Variants in VWDE observed in about 807,000 individuals in gnomAD.
The protein encoded by VWDE is von Willebrand factor D and EGF domain-containing protein.
Under a neutral mutation model 178.4 loss-of-function variants are expected in VWDE, and 207 were observed. The ratio of observed to expected loss-of-function variants is 1.16; its 90% CI spans 1.04 to 1.30. The LOEUF (loss-of-function observed/expected upper bound fraction) is 1.30, where lower values mean the gene tolerates loss of function less well. Ranked by LOEUF, VWDE falls within the 50% of genes most tolerant of loss-of-function variation. The pLI, the probability that VWDE is intolerant of heterozygous loss-of-function variation, is 0.00. For synonymous variants in VWDE, 738 were observed against 651.4 expected (o/e 1.13, Z -2.02); for missense variants, 2,287 against 1,901.3 (o/e 1.20, Z -3.77).
At chr7:12,352,435 C>A (rs1167177434) in intron 18 of VWDE, among the ~76,000 whole-genome samples, 1 of 152,090 alleles carries the variant, frequency 6.6e-6, no homozygotes, top group Non-Finnish European at 1.5e-5. Flanking sequence ...ATTAATAAGC[C>A]CCTTCCTACA....
At chr7:12,360,108 G>T (rs61529219) in intron 15 of VWDE, among the ~76,000 whole-genome samples, 14,317 of 152,028 alleles carry the variant, frequency 0.094, 835 homozygotes, top group East Asian at 0.19. Flanking sequence ...GCAGCCCACT[G>T]TGTTCTGTGA....
chr7:12,372,948 T>G (rs1160509092), intron 10 of VWDE, 29 bp downstream of exon 10: 6 of 1,532,740 alleles, frequency 3.9e-6, no homozygotes. Flanking sequence ...AAAGGAAAAA[T>G]ACTTTCAATG....
intron 4 of VWDE, among the ~76,000 whole-genome samples, chr7:12,383,031 AT>A (rs1783932484): frequency 6.6e-6 from 1 of 151,854 alleles, no homozygotes; most frequent in African/African-American, 2.4e-5. Context: ...AAAAAAAGGC[AT>A]TGTTGTATTG....
chr7:12,370,823 A>G lies in VWDE; in HGVS notation c.1629T>C (p.Gly543=), dbSNP rs1783155077. 1.9e-6 allele frequency: 3 copies of G among 1,550,920 alleles called. No homozygotes were observed. The highest frequency in any genetic ancestry group is 1.7e-6 in the Non-Finnish European group (2 of 1,146,588). ...SSGAFIRADL[G]EWGMSLTIRA... ...TGATCGTTAGACTCATGCCCCATTC[A>G]CCAAGATCAGCACGGATAAATGCCC... is the stretch of plus-strand genomic sequence containing the variant. The change falls in exon 11 of 29, where the codon GGT becomes GGC. Residue 543 remains glycine, a synonymous_variant. Transcript: ENST00000275358.
At chr7:12,338,354 T>A (rs1781147012) in intron 24 of VWDE, among the ~76,000 whole-genome samples, 1 of 151,868 alleles carries the variant, frequency 6.6e-6, no homozygotes. Flanking sequence ...TCTTACATTT[T>A]CTGCTCCCTA....
At chr7:12,373,646 T>C (rs1474169776) in intron 9 of VWDE, among the ~76,000 whole-genome samples, 5 of 152,194 alleles carry the variant, frequency 3.3e-5, no homozygotes. Context: ...CTTCCTCAGA[T>C]ACACTTTATA....
chr7:12,384,952 T>C (rs1784025937), intron 3 of VWDE, among the ~76,000 whole-genome samples: 1 of 151,856 alleles, frequency 6.6e-6, no homozygotes, highest in South Asian at 2.1e-4. Flanking sequence ...ATTGATATGA[T>C]GCTACTTCAC....
Position 12,369,789 on chromosome 7 carries a change from C to T in VWDE, c.2517G>A (p.Val839=), listed in dbSNP as rs374367177. The T allele has an allele frequency of 5.8e-6, 9 of 1,551,468 alleles. No homozygotes were observed. The highest frequency in any genetic ancestry group is 3.9e-5 in the Admixed American group (2 of 50,962). ...KRLDSVIEMC[V]KDVLLKDDLS... is the part of the protein sequence containing the mutation. ...GATCATCTTTTAACAGAACATCCTT[C>T]ACACACATCTCTATAACACTGTCTA... Residue 839 remains valine, a synonymous_variant, in exon 12 of 29, where the codon GTG becomes GTA. Coordinates refer to ENST00000275358, the MANE Select transcript of VWDE (RefSeq NM_001135924.3).
intron 19 of VWDE, among the ~76,000 whole-genome samples, chr7:12,349,479 G>A (rs1781808239): frequency 6.6e-6 from 1 of 150,966 alleles, no homozygotes; most frequent in African/African-American, 2.4e-5. Context: ...TCCTTAAAGA[G>A]AAGCTATAAA....
intron 19 of VWDE, among the ~76,000 whole-genome samples, chr7:12,344,829 G>A (rs749971490): frequency 1.3e-5 from 2 of 152,074 alleles, no homozygotes; most frequent in Admixed American, 6.6e-5. Flanking sequence ...TCTCGAAAGA[G>A]TTGGAAAGAT....
At chr7:12,346,476 A>G (rs1159120861) in intron 19 of VWDE, among the ~76,000 whole-genome samples, 1 of 152,170 alleles carries the variant, frequency 6.6e-6, no homozygotes, top group African/African-American at 2.4e-5. Context: ...AAATTGGGAA[A>G]TTATATAAAT....
intron 28 of VWDE, among the ~76,000 whole-genome samples, chr7:12,332,993 G>A (rs994978351): frequency 6.6e-6 from 1 of 152,170 alleles, no homozygotes; most frequent in South Asian, 2.1e-4. Flanking sequence ...GAGAGAGAGA[G>A]AGATTATTAG....
chr7:12,343,567 T>C (rs1381432361), intron 21 of VWDE, among the ~76,000 whole-genome samples: 1 of 152,170 alleles, frequency 6.6e-6, no homozygotes, highest in Non-Finnish European at 1.5e-5. Flanking sequence ...ATTTGTTAAT[T>C]TGTAGCTTGC....
intron 1 of VWDE, among the ~76,000 whole-genome samples, chr7:12,400,433 A>G (rs759628860): frequency 1.4e-4 from 22 of 152,160 alleles, no homozygotes; most frequent in Non-Finnish European, 2.5e-4. Flanking sequence ...GCTATATGCC[A>G]ATAATTATAG....
chr7:12,391,114 T>C (rs575106326), intron 2 of VWDE, among the ~76,000 whole-genome samples: 1 of 152,264 alleles, frequency 6.6e-6, no homozygotes, highest in South Asian at 2.1e-4. Flanking sequence ...AATAGCATGT[T>C]TTTCAATTGA....
chr7:12,403,549 T>A (rs1785011463), intron 1 of VWDE, 110 bp downstream of exon 1: 1 of 1,103,986 alleles, frequency 9.1e-7, no homozygotes, highest in Non-Finnish European at 1.2e-6. Flanking sequence ...GCTTGCTGCC[T>A]TAAAACGCAC....
chr7:12,344,386 T>C lies in VWDE; in HGVS notation c.3970A>G (p.Asn1324Asp), dbSNP rs1270313787. The C allele has an allele frequency of 1.9e-6, 3 of 1,550,858 alleles. No homozygotes were observed. The African/African-American group carries it at 4.1e-5, about 21-fold the overall frequency. The change falls in exon 20 of 29, where the codon AAC becomes GAC. Residue 1324 changes from asparagine (N) to aspartate (D), a missense_variant. Physicochemically the swap from Asn to Asp is conservative, Grantham distance 23 (BLOSUM62 1). Coordinates refer to ENST00000275358, the MANE Select transcript of VWDE (RefSeq NM_001135924.3). ...TGATGTTACCTACCAGTTTGGCAGTTAGAACCAATGTAACCAGGTTTACAT... is the reference window on the plus strand; with the variant it reads ...TGATGTTACCTACCAGTTTGGCAGTCAGAACCAATGTAACCAGGTTTACAT... ...CKCKPGYIGS[N>D]CQTALCDPDC...
intron 18 of VWDE, among the ~76,000 whole-genome samples, 158 bp from the exon 19 acceptor site, chr7:12,351,871 T>A (rs968721881): frequency 6.6e-6 from 1 of 152,182 alleles, no homozygotes; most frequent in African/African-American, 2.4e-5. Context: ...ACTTTTCTGG[T>A]ATGGACTGAA....
At chr7:12,380,869 C>T in intron 4 of VWDE, 136 bp from the exon 5 acceptor site, 1 of 1,076,872 alleles carries the variant, frequency 9.3e-7, no homozygotes, top group Non-Finnish European at 1.3e-6. Context: ...ATGATTATTT[C>T]TAGCAATCAA....
Sources: gnomAD v4.1 joint callset for allele counts (sites outside exome capture counted in the v4.1 genomes callset) on GRCh38, gnomAD v4.1.1 for gene constraint, MANE v1.5 for transcripts, NCBI Gene and HGNC (gene_info 2026-07-23, HGNC 2026-07-21) for gene names.